XKR4: variants seen among roughly 807,000 people sequenced by gnomAD.
XKR4 encodes the protein XK-related protein 4.
XKR4 carries 12 observed loss-of-function variants against 53.9 expected under a neutral mutation model. The observed-to-expected ratio is 0.22, with a 90% confidence interval of 0.14 to 0.36. The LOEUF (loss-of-function observed/expected upper bound fraction) is 0.36. Ranked by LOEUF, XKR4 falls within the 10% of genes least tolerant of loss-of-function variation. The probability of loss-of-function intolerance (pLI) is 1.00; values close to 1 mark genes in which losing one functional copy is unlikely to be tolerated. For synonymous variants in XKR4, 354 were observed against 362.4 expected (o/e 0.98, Z 0.26); for missense variants, 799 against 859.5 (o/e 0.93, Z 0.88).
chr8:55,424,312 A>G (rs1419704074), intron 2 of XKR4, among the ~76,000 whole-genome samples: 1 of 152,230 alleles, frequency 6.6e-6, no homozygotes, highest in Non-Finnish European at 1.5e-5. Context: ...GTAGACCATA[A>G]CCATAATTGT....
intron 2 of XKR4, among the ~76,000 whole-genome samples, chr8:55,418,252 GAGAGGGCATTC>G (rs1344148844): frequency 1.6e-4 from 25 of 152,180 alleles, no homozygotes; most frequent in African/African-American, 6.0e-4. Context: ...GCAGATCCCT[GAGAGGGCATTC>G]AGCTTACAGC....
intron 1 of XKR4, among the ~76,000 whole-genome samples, chr8:55,242,996 G>A (rs980346105): frequency 5.9e-5 from 9 of 152,032 alleles, no homozygotes; most frequent in African/African-American, 1.9e-4. Context: ...AAGACAATAG[G>A]CCTATTTTTG....
chr8:55,129,025 T>C (rs1187181791), intron 1 of XKR4, among the ~76,000 whole-genome samples: 1 of 152,178 alleles, frequency 6.6e-6, no homozygotes, highest in African/African-American at 2.4e-5. Context: ...TGGAAGCTTC[T>C]ACAAATATTC....
intron 1 of XKR4, among the ~76,000 whole-genome samples, chr8:55,291,136 T>A (rs1458550658): frequency 6.6e-6 from 1 of 152,212 alleles, no homozygotes; most frequent in Non-Finnish European, 1.5e-5. Flanking sequence ...TTTTCCTCTG[T>A]TGGATTTCTT....
At position 55,523,638 on chromosome 8, in the gene XKR4, G is replaced by T; in HGVS notation, c.1364G>T (p.Cys455Phe). 1 of 1,614,210 alleles carries T rather than the reference G, an allele frequency of 6.2e-7. No individual in the cohort carries two copies. Among genetic ancestry groups the T allele is most frequent in the Non-Finnish European group, 8.5e-7 (1 of 1,180,024 alleles). ...AATGTCAAGGAAGGCAGGACACGCT[G>T]CAGGCTATTCATTTACTATTTTGTG... ...WFNVKEGRTR[C>F]RLFIYYFVIL... The change falls in exon 3 of 3, where the codon TGC becomes TTC. Residue 455 changes from cysteine to phenylalanine, a missense_variant. Physicochemically the swap from Cys to Phe is radical, Grantham distance 205. This residue lies in a region of XKR4 where 269 missense variants were observed against 264.4 expected (regional missense o/e 1.02). Coordinates refer to ENST00000327381, the MANE Select transcript of XKR4 (RefSeq NM_052898.2).
At chr8:55,213,229 A>C (rs1416660777) in intron 1 of XKR4, among the ~76,000 whole-genome samples, 1 of 152,224 alleles carries the variant, frequency 6.6e-6, no homozygotes, top group Non-Finnish European at 1.5e-5. Context: ...CTCCCTGAAA[A>C]TTCAGAGACT....
At chr8:55,156,648 G>A (rs1030304187) in intron 1 of XKR4, among the ~76,000 whole-genome samples, 13 of 152,094 alleles carry the variant, frequency 8.5e-5, no homozygotes, top group Non-Finnish European at 1.8e-4. Flanking sequence ...AATGGAGTGT[G>A]GGCTTGTTTT....
intron 1 of XKR4, among the ~76,000 whole-genome samples, chr8:55,308,868 T>G (rs886892604): frequency 1.6e-4 from 24 of 152,290 alleles, no homozygotes; most frequent in African/African-American, 5.8e-4. Flanking sequence ...TTGCATGGAA[T>G]TAAGATTGCT....
chr8:55,252,275 C>A (rs1448223434), intron 1 of XKR4, among the ~76,000 whole-genome samples: 1 of 152,144 alleles, frequency 6.6e-6, no homozygotes, highest in Non-Finnish European at 1.5e-5. Flanking sequence ...TAGATTCTTG[C>A]CATCAAGTTG....
At chr8:55,393,115 A>C (rs1804465276) in intron 2 of XKR4, among the ~76,000 whole-genome samples, 1 of 152,182 alleles carries the variant, frequency 6.6e-6, no homozygotes, top group Non-Finnish European at 1.5e-5. Flanking sequence ...AAATGGATGA[A>C]GCCATTTGAT....
intron 2 of XKR4, chr8:55,449,533 G>T (rs1805395844): frequency 2.0e-6 from 3 of 1,478,414 alleles, no homozygotes; most frequent in African/African-American, 1.4e-5. Context: ...GTCAGCTCTG[G>T]ATCCGGTCCA....
At chr8:55,488,050 T>A (rs1224797188) in intron 2 of XKR4, among the ~76,000 whole-genome samples, 1 of 152,238 alleles carries the variant, frequency 6.6e-6, no homozygotes, top group Non-Finnish European at 1.5e-5. Context: ...TAGACATTAG[T>A]GCTTTTGATC....
chr8:55,489,068 T>C (rs1806235669), intron 2 of XKR4, among the ~76,000 whole-genome samples: 1 of 152,124 alleles, frequency 6.6e-6, no homozygotes, highest in Non-Finnish European at 1.5e-5. Flanking sequence ...CAATGGTGGA[T>C]ACATGGCATT....
intron 1 of XKR4, among the ~76,000 whole-genome samples, chr8:55,145,467 T>A (rs1025681973): frequency 7.9e-5 from 12 of 152,018 alleles, no homozygotes; most frequent in African/African-American, 2.4e-4. Context: ...AGGATTGCAA[T>A]GTTTTAGATT....
At chr8:55,301,043 G>C (rs973796079) in intron 1 of XKR4, among the ~76,000 whole-genome samples, 2 of 151,610 alleles carry the variant, frequency 1.3e-5, no homozygotes, top group Admixed American at 1.3e-4. Context: ...TGTGCACAAT[G>C]TGCAGGTTTG....
chr8:55,158,993 C>G (rs59544407), intron 1 of XKR4, among the ~76,000 whole-genome samples: 11 of 151,906 alleles, frequency 7.2e-5, no homozygotes, highest in Admixed American at 7.2e-4. Flanking sequence ...GAATTTTAAA[C>G]GTTTTTTTCC....
At chr8:55,405,265 C>T (rs1352461428) in intron 2 of XKR4, among the ~76,000 whole-genome samples, 3 of 152,112 alleles carry the variant, frequency 2.0e-5, no homozygotes, top group Non-Finnish European at 4.4e-5. Context: ...CCTGGATGGG[C>T]AAGCTGAGAG....
At chr8:55,469,701 T>C (rs1805841737) in intron 2 of XKR4, among the ~76,000 whole-genome samples, 1 of 152,070 alleles carries the variant, frequency 6.6e-6, no homozygotes, top group Non-Finnish European at 1.5e-5. Context: ...GTACGGAATC[T>C]TGGGAGGCTC....
chr8:55,442,789 A>T (rs1805289377), intron 2 of XKR4, among the ~76,000 whole-genome samples: 1 of 152,240 alleles, frequency 6.6e-6, no homozygotes, highest in Admixed American at 6.5e-5. Context: ...AAGACACAGA[A>T]GGTAGATTAG....
Sources: allele counts gnomAD v4.1 joint callset (sites outside exome capture counted in the v4.1 genomes callset), GRCh38; gene constraint gnomAD v4.1.1; regional missense constraint gnomAD v4.1.1; transcripts MANE v1.5; gene names NCBI Gene and HGNC (gene_info 2026-07-23, HGNC 2026-07-21).